The following NAV2 variants were observed in gnomAD, a reference collection of about 807,000 sequenced individuals.
NAV2 encodes neuron navigator 2, also known as helicase, APC down-regulated 1.
Under a neutral mutation model 223.2 loss-of-function variants are expected in NAV2, and 54 were observed. That is an observed-to-expected ratio of 0.24 (90% CI 0.19 to 0.30). NAV2 has a LOEUF of 0.30. NAV2 is among the 10% of genes least tolerant of loss of function. The pLI is 1.00. For synonymous variants in NAV2, 1,279 were observed against 1,239.3 expected (o/e 1.03, Z -0.67); for missense variants, 2,806 against 3,147.5 (o/e 0.89, Z 2.60).
rs551327789 is a variant in NAV2, at chr11:19,462,573, T to C, written c.75+111546T>C. The stretch of plus-strand genomic sequence containing the variant: ...TCTCTATGTTTCATGTATGCTTTTG[T>C]ATTTCATCTCCAAGTCATATATAAA... On this transcript the variant is annotated intron_variant, in intron 1 of 37. Coordinates refer to the NAV2 transcript ENST00000360655. 3.9e-5 allele frequency among the ~76,000 whole-genome samples: 6 copies of C among 152,370 alleles called. No homozygotes were observed. The South Asian group carries it at 1.2e-3, about 32-fold the overall frequency.
intron 1 of NAV2, among the ~76,000 whole-genome samples, chr11:19,562,105 AT>A (rs1486020333): frequency 6.6e-6 from 1 of 152,230 alleles, no homozygotes; most frequent in Non-Finnish European, 1.5e-5. Flanking sequence ...CAGTGGTAAT[AT>A]ACCCATTTTA....
At chr11:19,806,029 A>T (rs1452757235) in intron 1 of NAV2, among the ~76,000 whole-genome samples, 2 of 152,216 alleles carry the variant, frequency 1.3e-5, no homozygotes, top group Admixed American at 1.3e-4. Context: ...GTCCCCTGAT[A>T]GCTCAGTCAC....
intron 1 of NAV2, among the ~76,000 whole-genome samples, chr11:19,534,455 T>G (rs2044125072): frequency 6.6e-6 from 1 of 152,190 alleles, no homozygotes; most frequent in African/African-American, 2.4e-5. Context: ...CAGTCTCTGC[T>G]TCCTACGAGC....
intron 1 of NAV2, among the ~76,000 whole-genome samples, chr11:19,723,651 C>A (rs954731515): frequency 1.3e-5 from 2 of 152,176 alleles, no homozygotes; most frequent in Non-Finnish European, 2.9e-5. Flanking sequence ...GGATGAGGAG[C>A]CCTATTTGGC....
chr11:19,406,213 A>G (rs1849889845), intron 1 of NAV2, among the ~76,000 whole-genome samples: 1 of 152,112 alleles, frequency 6.6e-6, no homozygotes, highest in Admixed American at 6.6e-5. Context: ...TTGTGGGAGC[A>G]CACACTGTGG....
At chr11:19,488,874 T>A (rs924139159) in intron 1 of NAV2, among the ~76,000 whole-genome samples, 6 of 152,238 alleles carry the variant, frequency 3.9e-5, no homozygotes, top group Non-Finnish European at 7.3e-5. Context: ...GTATTTCACA[T>A]GCCTACTGAC....
chr11:19,935,184 C>T (rs995263236), intron 7 of NAV2, among the ~76,000 whole-genome samples: 1 of 152,180 alleles, frequency 6.6e-6, no homozygotes, highest in Non-Finnish European at 1.5e-5. Context: ...GTGCCTGATT[C>T]GATCCTGTGC....
intron 1 of NAV2, among the ~76,000 whole-genome samples, chr11:19,544,394 C>T (rs1021613750): frequency 6.6e-6 from 1 of 152,210 alleles, no homozygotes; most frequent in African/African-American, 2.4e-5. Context: ...TCAGATCTCA[C>T]ATCCCCAAGG....
intron 1 of NAV2, among the ~76,000 whole-genome samples, chr11:19,653,196 G>C (rs2048019521): frequency 6.6e-6 from 1 of 152,340 alleles, no homozygotes; most frequent in Non-Finnish European, 1.5e-5. Context: ...TGATGTGGCT[G>C]TGTTTCTTTA....
chr11:20,104,496 T>C (rs1158621828), intron 34 of NAV2: 1 of 152,372 alleles, frequency 6.6e-6, no homozygotes, highest in Non-Finnish European at 1.5e-5. Flanking sequence ...CAGAGAAATG[T>C]TGACTCCTCC....
chr11:19,879,779 A>G (rs1157585036), intron 4 of NAV2, 90 bp from the exon 5 acceptor site: 1 of 1,486,810 alleles, frequency 6.7e-7, no homozygotes, highest in East Asian at 2.3e-5. Context: ...TCATATCCTA[A>G]AGAAATCAAA....
intron 1 of NAV2, among the ~76,000 whole-genome samples, chr11:19,497,519 G>T (rs1257618014): frequency 2.0e-5 from 3 of 152,054 alleles, no homozygotes; most frequent in Non-Finnish European, 4.4e-5. Flanking sequence ...GCTATTCCTT[G>T]GCTTTTCATG....
intron 1 of NAV2, among the ~76,000 whole-genome samples, chr11:19,776,577 G>GGTGT (rs71050684): frequency 0.04 from 4,607 of 116,138 alleles, 466 homozygotes; most frequent in African/African-American, 0.16. Flanking sequence ...CTGGGGCAGG[G>GGTGT]GTGTGTGTGT....
chr11:19,354,902 C>G (rs765946253), intron 1 of NAV2, among the ~76,000 whole-genome samples: 1 of 152,180 alleles, frequency 6.6e-6, no homozygotes, highest in Non-Finnish European at 1.5e-5. Context: ...GCTCTCAAAG[C>G]TCCTCCCTAT....
At position 20,103,242 on chromosome 11, in the gene NAV2, C is replaced by T; in HGVS notation, c.6418-13C>T. 1 of 1,606,944 alleles carries T rather than the reference C, an allele frequency of 6.2e-7. No homozygotes were observed. ...ACCCACTTGTTCTCCTTCGGCCTTCCTGGCCACCATAGGAATTGCGCCAGT... is the reference window on the plus strand; with the variant it reads ...ACCCACTTGTTCTCCTTCGGCCTTCTTGGCCACCATAGGAATTGCGCCAGT... On this transcript the variant is annotated splice_polypyrimidine_tract_variant and intron_variant, in intron 32 of 37. Transcript: ENST00000349880.
intron 1 of NAV2, among the ~76,000 whole-genome samples, chr11:19,597,682 T>C (rs2046238482): frequency 6.6e-6 from 1 of 152,232 alleles, no homozygotes; most frequent in Non-Finnish European, 1.5e-5. Flanking sequence ...TCAGAAATAA[T>C]TACTGATAGT....
intron 1 of NAV2, among the ~76,000 whole-genome samples, chr11:19,448,373 C>T (rs1435155766): frequency 1.3e-5 from 2 of 152,172 alleles, no homozygotes; most frequent in South Asian, 2.1e-4. Context: ...CAAACTAGAC[C>T]AGGTTTCAAA....
chr11:19,828,881 T>A (rs2059790907), intron 1 of NAV2, among the ~76,000 whole-genome samples: 1 of 152,240 alleles, frequency 6.6e-6, no homozygotes, highest in Admixed American at 6.5e-5. Flanking sequence ...AGAAGTTCAC[T>A]TTGGCAGAGC....
At chr11:19,604,527 A>G (rs2046433384) in intron 1 of NAV2, among the ~76,000 whole-genome samples, 1 of 150,710 alleles carries the variant, frequency 6.6e-6, no homozygotes, top group Non-Finnish European at 1.5e-5. Flanking sequence ...GAGTTTGGGG[A>G]CATATTAGAT....
Sources: gnomAD v4.1 joint callset for allele counts (sites outside exome capture counted in the v4.1 genomes callset) on GRCh38, gnomAD v4.1.1 for gene constraint, MANE v1.5 for transcripts, NCBI Gene and HGNC (gene_info 2026-07-23, HGNC 2026-07-21) for gene names.